The following FYB1 variants were observed in gnomAD, a reference collection of about 807,000 sequenced individuals.
FYB1 encodes the protein FYN-binding protein 1.
In FYB1, 41 loss-of-function variants were observed where a neutral mutation model predicts 94.1. The ratio of observed to expected loss-of-function variants is 0.44; its 90% CI spans 0.34 to 0.57. FYB1 has a LOEUF of 0.57. Ranked by LOEUF, FYB1 falls within the 20% of genes least tolerant of loss-of-function variation. The pLI is 0.02. For missense variants in FYB1, 1,050 were observed against 976.8 expected, an observed-to-expected ratio of 1.07 and a Z score of -1.00; for synonymous variants, 367 against 353.2, an observed-to-expected ratio of 1.04 and a Z score of -0.44.
intron 12 of FYB1, among the ~76,000 whole-genome samples, chr5:39,125,693 T>C (rs147171599): frequency 1.3e-5 from 2 of 152,162 alleles, no homozygotes; most frequent in African/African-American, 2.4e-5. Context: ...TGTATGACTG[T>C]GTGGATGAGC....
rs16868252 is a variant in FYB1 at position 39,180,522 on chromosome 5, C to T, written c.1135+21304G>A. On this transcript the variant is annotated intron_variant, in intron 2 of 18. Coordinates refer to ENST00000512982, the MANE Select transcript of FYB1 (RefSeq NM_001465.6). ...AGTCCCTATTGAAAGGCTGACCAGA[C>T]CAACCCAGGAAGACTATGTGGGCAG... Among the ~76,000 whole-genome samples, 776 of 152,302 alleles carry T rather than the reference C, an allele frequency of 5.1e-3. 7 individuals carry two copies. Among genetic ancestry groups the T allele is most frequent in the African/African-American group, 0.018 (753 of 41,552 alleles).
intron 1 of FYB1, among the ~76,000 whole-genome samples, chr5:39,213,406 T>A (rs1388470083): frequency 2.6e-5 from 4 of 152,222 alleles, no homozygotes; most frequent in African/African-American, 9.6e-5. Context: ...CCAAAATGTT[T>A]TCCACCTAAC....
intron 1 of FYB1, among the ~76,000 whole-genome samples, chr5:39,273,070 C>T (rs1018726813): frequency 5.9e-5 from 9 of 152,278 alleles, no homozygotes; most frequent in Non-Finnish European, 1.2e-4. Context: ...AGGTGGGGGG[C>T]GCTTCTGCCC....
intron 10 of FYB1, among the ~76,000 whole-genome samples, 176 bp downstream of exon 10, chr5:39,130,414 T>G (rs1275442489): frequency 6.6e-6 from 1 of 152,082 alleles, no homozygotes. Flanking sequence ...AAGTGAGAAC[T>G]CGAAATGTTC....
intron 2 of FYB1, among the ~76,000 whole-genome samples, chr5:39,168,414 A>G (rs1271682820): frequency 6.6e-6 from 1 of 152,180 alleles, no homozygotes; most frequent in African/African-American, 2.4e-5. Context: ...TCTTCCATTA[A>G]CTTTTTTTTA....
chr5:39,254,760 T>C (rs1327878473), intron 1 of FYB1, among the ~76,000 whole-genome samples: 4 of 152,068 alleles, frequency 2.6e-5, no homozygotes, highest in Admixed American at 6.6e-5. Flanking sequence ...AGGTGCTTGA[T>C]GAGAATTTCA....
Position 39,128,007 on chromosome 5 carries a change from T to G in FYB1, c.1841-200A>C, listed in dbSNP as rs79951424. On this transcript the variant is annotated intron_variant, in intron 10 of 18. Transcript: ENST00000512982. ...GAAATTACAATAACAAAATGAGGGC[T>G]AAGAGGCACTGTGGACTTGAGTTGA... Among the ~76,000 whole-genome samples the G allele has an allele frequency of 9.6e-3, 1,464 of 152,270 alleles. 22 individuals are homozygous for G. Among genetic ancestry groups the G allele is most frequent in the African/African-American group, 0.033 (1,381 of 41,552 alleles).
chr5:39,136,843 A>C (rs1741717968), intron 7 of FYB1, among the ~76,000 whole-genome samples: 1 of 152,240 alleles, frequency 6.6e-6, no homozygotes. Context: ...AAAAATACTT[A>C]AAGAAACCAT....
At chr5:39,227,818 C>T (rs964332574) in intron 1 of FYB1, among the ~76,000 whole-genome samples, 13 of 152,114 alleles carry the variant, frequency 8.5e-5, no homozygotes, top group Admixed American at 3.9e-4. Context: ...TAAAGCTTTC[C>T]TTCATCAGGC....
intron 1 of FYB1, among the ~76,000 whole-genome samples, chr5:39,217,699 T>C (rs1367074939): frequency 6.6e-6 from 1 of 151,880 alleles, no homozygotes; most frequent in African/African-American, 2.4e-5. Flanking sequence ...GATTCTGGAG[T>C]CACAGTCTTA....
intron 2 of FYB1, among the ~76,000 whole-genome samples, chr5:39,173,918 C>T (rs894983292): frequency 2.0e-5 from 3 of 152,046 alleles, no homozygotes; most frequent in African/African-American, 7.2e-5. Context: ...ATTGCTTTGT[C>T]TATTCAGTCT....
chr5:39,228,994 T>C (rs1182950440), intron 1 of FYB1, among the ~76,000 whole-genome samples: 1 of 152,164 alleles, frequency 6.6e-6, no homozygotes, highest in Non-Finnish European at 1.5e-5. Context: ...TAAAATGAGA[T>C]AGTAACAAGG....
At chr5:39,272,555 C>T (rs1752695916) in intron 1 of FYB1, among the ~76,000 whole-genome samples, 1 of 150,934 alleles carries the variant, frequency 6.6e-6, no homozygotes, top group African/African-American at 2.4e-5. Flanking sequence ...GCCTGTAGTC[C>T]CAGCTAGTCG....
intron 2 of FYB1, among the ~76,000 whole-genome samples, chr5:39,177,996 A>G (rs1255850333): frequency 6.6e-6 from 1 of 152,184 alleles, no homozygotes; most frequent in Non-Finnish European, 1.5e-5. Context: ...TCCTGCAAAC[A>G]CAAAATATTT....
chr5:39,273,931 T>C (rs947502514), intron 1 of FYB1, among the ~76,000 whole-genome samples: 1 of 152,122 alleles, frequency 6.6e-6, no homozygotes, highest in Non-Finnish European at 1.5e-5. Context: ...TATGCTTTTT[T>C]TTTTTCTTTT....
At chr5:39,124,915 CCA>C (rs56887056) in intron 12 of FYB1, among the ~76,000 whole-genome samples, 11,343 of 139,320 alleles carry the variant, frequency 0.081, 633 homozygotes, top group African/African-American at 0.17. Context: ...TAAATACACT[CCA>C]CACACACACA....
chr5:39,185,571 TATATATAC>T (rs1424995955), intron 2 of FYB1, among the ~76,000 whole-genome samples: 15 of 146,878 alleles, frequency 1.0e-4, no homozygotes, highest in East Asian at 3.9e-4. Context: ...TGTGTGTGTA[TATATATAC>T]ATATATACAT....
chr5:39,178,239 T>G (rs1561218135), intron 2 of FYB1, among the ~76,000 whole-genome samples: 1 of 152,242 alleles, frequency 6.6e-6, no homozygotes, highest in Non-Finnish European at 1.5e-5. Flanking sequence ...AGAACTAATT[T>G]AACTTTGCTT....
upstream of FYB1, among the ~76,000 whole-genome samples, chr5:39,221,518 T>C (rs1750262100): frequency 6.6e-6 from 1 of 152,190 alleles, no homozygotes; most frequent in African/African-American, 2.4e-5. Context: ...GCTCAAAGTA[T>C]GAATAAAGGC....
Sources: gnomAD v4.1 joint callset for allele counts (sites outside exome capture counted in the v4.1 genomes callset) on GRCh38, gnomAD v4.1.1 for gene constraint, MANE v1.5 for transcripts, NCBI Gene and HGNC (gene_info 2026-07-23, HGNC 2026-07-21) for gene names.